ROR1: variants seen among roughly 807,000 people sequenced by gnomAD.
The protein encoded by ROR1 is inactive tyrosine-protein kinase transmembrane receptor ROR1.
Under a neutral mutation model 78.8 loss-of-function variants are expected in ROR1, and 19 were observed. That is an observed-to-expected ratio of 0.24 (90% CI 0.17 to 0.35). The LOEUF (loss-of-function observed/expected upper bound fraction) is 0.35, where lower values mean the gene tolerates loss of function less well. ROR1 is among the 10% of genes least tolerant of loss of function. ROR1 has a pLI of 1.00. For missense variants in ROR1, 917 were observed against 1,177.8 expected (o/e 0.78, Z 3.24); for synonymous variants, 386 against 433.6 (o/e 0.89, Z 1.36).
intron 8 of ROR1, among the ~76,000 whole-genome samples, chr1:64,175,248 T>C (rs1388996223): frequency 6.6e-6 from 1 of 152,086 alleles, no homozygotes; most frequent in Non-Finnish European, 1.5e-5. Context: ...ATGTGTTCTT[T>C]TTCTCCTTCT....
At chr1:63,988,036 G>T (rs1646265837) in intron 1 of ROR1, among the ~76,000 whole-genome samples, 1 of 152,148 alleles carries the variant, frequency 6.6e-6, no homozygotes, top group Non-Finnish European at 1.5e-5. Context: ...TTCTTGAACT[G>T]CAAGACCTAG....
chr1:63,899,601 A>G (rs1645468692), intron 1 of ROR1, among the ~76,000 whole-genome samples: 1 of 152,082 alleles, frequency 6.6e-6, no homozygotes, highest in South Asian at 2.1e-4. Context: ...CAGCCCTGTC[A>G]AAGATGTACT....
intron 1 of ROR1, among the ~76,000 whole-genome samples, chr1:63,784,946 C>T (rs144463773): frequency 5.9e-5 from 9 of 152,336 alleles, no homozygotes; most frequent in African/African-American, 1.7e-4. Flanking sequence ...ATCTCTGACA[C>T]GGACTTTCTT....
At chr1:64,177,265 C>G (rs1341818524) in intron 8 of ROR1, among the ~76,000 whole-genome samples, 163 bp from the exon 9 acceptor site, 1 of 152,204 alleles carries the variant, frequency 6.6e-6, no homozygotes, top group Non-Finnish European at 1.5e-5. Context: ...TATGGCACCT[C>G]CCCTGAGTTG....
chr1:64,009,774 G>A (rs1431972456), intron 2 of ROR1, among the ~76,000 whole-genome samples: 1 of 152,132 alleles, frequency 6.6e-6, no homozygotes, highest in Non-Finnish European at 1.5e-5. Flanking sequence ...GTGCTTGCAG[G>A]GTTCAGGACC....
chr1:63,880,784 T>TTCCATCCA (rs982876685), intron 1 of ROR1, among the ~76,000 whole-genome samples: 1 of 152,118 alleles, frequency 6.6e-6, no homozygotes. Flanking sequence ...CCATCTATCC[T>TTCCATCCA]TCCATCCATC....
At chr1:63,931,636 A>G (rs1645753481) in intron 1 of ROR1, among the ~76,000 whole-genome samples, 1 of 152,204 alleles carries the variant, frequency 6.6e-6, no homozygotes, top group Non-Finnish European at 1.5e-5. Context: ...TGGGACCTGC[A>G]TCCTTCCTTT....
intron 4 of ROR1, among the ~76,000 whole-genome samples, chr1:64,126,065 A>G (rs1648703230): frequency 2.0e-5 from 3 of 152,204 alleles, no homozygotes; most frequent in Non-Finnish European, 4.4e-5. Context: ...TGAAAGTTTC[A>G]GGAAAGCATC....
At chr1:63,975,099 A>G (rs1299093591) in intron 1 of ROR1, among the ~76,000 whole-genome samples, 1 of 152,170 alleles carries the variant, frequency 6.6e-6, no homozygotes, top group Non-Finnish European at 1.5e-5. Context: ...CCAGTAGGCA[A>G]TTGGCCAGAA....
At chr1:63,961,108 C>T (rs1028771155) in intron 1 of ROR1, among the ~76,000 whole-genome samples, 1 of 151,496 alleles carries the variant, frequency 6.6e-6, no homozygotes, top group Non-Finnish European at 1.5e-5. Flanking sequence ...TCATCCTTTC[C>T]TCCTTTTTGA....
intron 7 of ROR1, chr1:64,143,512 G>T (rs979177852): frequency 1.5e-6 from 1 of 681,362 alleles, no homozygotes; most frequent in Non-Finnish European, 1.8e-6. Flanking sequence ...TGTCACTGCT[G>T]GAAAAGCAAA....
intron 8 of ROR1, among the ~76,000 whole-genome samples, chr1:64,160,147 C>A (rs952982765): frequency 4.6e-5 from 7 of 151,644 alleles, no homozygotes; most frequent in African/African-American, 1.7e-4. Context: ...CTGTATTATT[C>A]TTTTGATCCT....
intron 1 of ROR1, among the ~76,000 whole-genome samples, chr1:63,938,802 C>A (rs1255553958): frequency 6.6e-6 from 1 of 152,056 alleles, no homozygotes; most frequent in African/African-American, 2.4e-5. Flanking sequence ...TCAACACCAC[C>A]CTGAACAACA....
chr1:64,118,550 C>G (rs1969828), intron 4 of ROR1, among the ~76,000 whole-genome samples: 13 of 146,368 alleles, frequency 8.9e-5, no homozygotes, highest in Non-Finnish European at 1.6e-4. Flanking sequence ...TTGCTTGAAC[C>G]GGGACTCGGG....
Position 63,843,075 on chromosome 1 carries a change from C to T in ROR1, c.91+68567C>T, listed in dbSNP as rs566468147. 6.5e-4 allele frequency: 338 copies of T among 518,988 alleles called. 1 individual carries two copies. Among genetic ancestry groups the T allele is most frequent in the African/African-American group, 5.0e-3 (255 of 51,498 alleles). The allele number at this position is 518,988 out of a possible 1,614,324, so 32.1% of individuals were successfully genotyped here. A position where few individuals can be genotyped will look rare whatever the true frequency, so the allele number is the denominator to read the frequency against. On this transcript the variant is annotated intron_variant, in intron 1 of 8. Coordinates refer to ENST00000371079, the MANE Select transcript of ROR1 (RefSeq NM_005012.4). ...TTGGCAACTGGAGTGAAGGGATTGC[C>T]CTCCCCCTGCTGGGATCCCCCCAGC...
chr1:64,179,024 GAAAAAAAAA>G lies in ROR1; in HGVS notation c.*183_*191del. ...ACCAAGCAGGACAGACACTCGGCCA[GAAAAAAAAA>G]AAAAAAAAAAAAACAAGCAAACAAA... On this transcript the variant is annotated 3_prime_UTR_variant, in exon 9 of 9. Transcript: ENST00000371079. The G allele has an allele frequency of 1.3e-5, 2 of 156,916 alleles. No homozygotes were observed. Among genetic ancestry groups the G allele is most frequent in the Non-Finnish European group, 2.3e-5 (2 of 88,018 alleles). 9.7% of individuals were successfully genotyped at this position (156,916 alleles called of 1,614,324 possible).
chr1:63,804,891 T>C (rs1644818870), intron 1 of ROR1, among the ~76,000 whole-genome samples: 1 of 152,192 alleles, frequency 6.6e-6, no homozygotes, highest in African/African-American at 2.4e-5. Context: ...TGAGGTGCCA[T>C]TGGGCTGTTT....
chr1:64,009,017 T>C (rs1002704705), intron 1 of ROR1, among the ~76,000 whole-genome samples: 2 of 152,152 alleles, frequency 1.3e-5, no homozygotes, highest in Non-Finnish European at 2.9e-5. Context: ...TGGTAAGTGA[T>C]GTTGAGAGGG....
chr1:64,066,676 G>C (rs1382122631), intron 4 of ROR1: 1 of 152,608 alleles, frequency 6.6e-6, no homozygotes, highest in African/African-American at 2.4e-5. Flanking sequence ...GAGTGGAGAA[G>C]GAACAAAGAA....
Sources: gnomAD v4.1 joint callset for allele counts (sites outside exome capture counted in the v4.1 genomes callset) on GRCh38, gnomAD v4.1.1 for gene constraint, MANE v1.5 for transcripts, NCBI Gene and HGNC (gene_info 2026-07-23, HGNC 2026-07-21) for gene names.